The following NFXL1 variants were observed in gnomAD, a reference collection of about 807,000 sequenced individuals.
NFXL1 encodes nuclear transcription factor, X-box binding like 1.
NFXL1 carries 66 observed loss-of-function variants against 123.3 expected under a neutral mutation model. That is an observed-to-expected ratio of 0.54 (90% CI 0.44 to 0.66). The LOEUF (loss-of-function observed/expected upper bound fraction) is 0.66, where lower values mean the gene tolerates loss of function less well. Among genes scored for constraint, NFXL1 ranks in the 30% least tolerant of loss-of-function variants. The pLI is 0.00. For synonymous variants in NFXL1, 346 were observed against 360.8 expected (o/e 0.96, Z 0.46); for missense variants, 944 against 1,125.6 (o/e 0.84, Z 2.31).
At chr4:47,911,841 A>T (rs769899512) in intron 2 of NFXL1, among the ~76,000 whole-genome samples, 2 of 152,230 alleles carry the variant, frequency 1.3e-5, no homozygotes, top group Non-Finnish European at 2.9e-5. Flanking sequence ...TCAAGCACTA[A>T]GTGTTAATAA....
rs1330537644 is a variant in NFXL1 at position 47,864,339 on chromosome 4, C to T, written c.2247-1424G>A. Among the ~76,000 whole-genome samples, 3 of 152,110 alleles carry T rather than the reference C, an allele frequency of 2.0e-5. No individual in the cohort carries two copies. The East Asian group carries it at 5.8e-4, about 29-fold the overall frequency. On this transcript the variant is annotated intron_variant, in intron 18 of 22. Transcript: ENST00000507489. ...TCCACGGTTCTTGGCTCATCACTCC[C>T]ACAGCCCCTGTTATTTTTCCCCAAG...
intron 4 of NFXL1, among the ~76,000 whole-genome samples, chr4:47,904,837 G>A (rs1329618077): frequency 1.3e-5 from 2 of 152,070 alleles, no homozygotes; most frequent in Non-Finnish European, 2.9e-5. Context: ...CACAGGATAC[G>A]CTAACTAATT....
At chr4:47,900,788 T>C (rs192037028) in intron 5 of NFXL1, among the ~76,000 whole-genome samples, 102 of 152,338 alleles carry the variant, frequency 6.7e-4, no homozygotes, top group African/African-American at 2.4e-3. Flanking sequence ...ATTTTCATTG[T>C]CACGAGAACA....
In NFXL1 at chr4:47,885,990, T is replaced by C. The variant is rs1006809516; in HGVS notation, c.1553A>G (p.Tyr518Cys). 1.3e-5 allele frequency: 21 copies of C among 1,610,188 alleles called. No homozygotes were observed. Among genetic ancestry groups the C allele is most frequent in the African/African-American group, 2.7e-5 (2 of 74,654 alleles). ...CPSVCHRGSC[Y>C]PCPETVDVKC... ...CACATCTACGGTTTCTGGGCAGGGA[T>C]AGCAACTGCCTGAAAAAAAAGTCTG... is the stretch of plus-strand genomic sequence containing the variant. Residue 518 changes from tyrosine to cysteine, a missense_variant, in exon 13 of 23, where the codon TAT becomes TGT. By Grantham distance (194) the Tyr-to-Cys change is radical (BLOSUM62 -2). Coordinates refer to ENST00000507489, the MANE Select transcript of NFXL1 (RefSeq NM_001278624.2).
intron 2 of NFXL1, among the ~76,000 whole-genome samples, chr4:47,911,248 C>T (rs1737816048): frequency 6.6e-6 from 1 of 151,664 alleles, no homozygotes; most frequent in Non-Finnish European, 1.5e-5. Context: ...ATTAACAAAT[C>T]AAGAAAAAAA....
chr4:47,914,265 C>CGAAG (rs1229357837), intron 1 of NFXL1, 60 bp from the exon 2 acceptor site: 10 of 1,292,526 alleles, frequency 7.7e-6, no homozygotes, highest in African/African-American at 7.5e-5. Context: ...AGGACCGAGG[C>CGAAG]GAAGGAGGGT....
At chr4:47,889,175 A>G (rs1251267412) in intron 12 of NFXL1, among the ~76,000 whole-genome samples, 1 of 152,182 alleles carries the variant, frequency 6.6e-6, no homozygotes, top group Non-Finnish European at 1.5e-5. Context: ...TGGTCTTTTA[A>G]TGTGGTAAAT....
At position 47,908,806 on chromosome 4, in the gene NFXL1, T is replaced by C. The variant is rs553383355; in HGVS notation, c.406+2018A>G. 1.1e-3 allele frequency among the ~76,000 whole-genome samples: 169 copies of C among 151,698 alleles called. No individual in the cohort carries two copies. The Middle Eastern group carries it at 0.014, about 12-fold the overall frequency. On this transcript the variant is annotated intron_variant, in intron 3 of 22. Transcript: ENST00000507489. ...CCGTCTCTACTAAAAACACAAAAAA[T>C]TACCCGGGCATGGTGGCGGGCACCT...
rs1733907301 is a variant in NFXL1 at position 47,848,026 on chromosome 4, CCTT to C, written c.*134_*136del. 1 of 567,532 alleles carries C rather than the reference CCTT, an allele frequency of 1.8e-6. No individual in the cohort carries two copies. The highest frequency in any genetic ancestry group is 1.9e-5 in the African/African-American group (1 of 52,938). 35.2% of individuals were successfully genotyped at this position (567,532 alleles called of 1,614,324 possible). The stretch of plus-strand genomic sequence containing the variant: ...ATTAAGATAAAGTTTAACATTCTGT[CCTT>C]CTAACAACAGCTGAGAGAATACAGA... On this transcript the variant is annotated 3_prime_UTR_variant, in exon 23 of 23. Coordinates refer to ENST00000507489, the MANE Select transcript of NFXL1 (RefSeq NM_001278624.2).
intron 10 of NFXL1, among the ~76,000 whole-genome samples, chr4:47,895,593 C>T (rs1477481549): frequency 2.0e-5 from 3 of 152,146 alleles, no homozygotes; most frequent in African/African-American, 7.2e-5. Flanking sequence ...GTGCAGCTTC[C>T]TCACCTCTCT....
At chr4:47,900,220 T>C (rs1390087981) in intron 5 of NFXL1, among the ~76,000 whole-genome samples, 1 of 152,138 alleles carries the variant, frequency 6.6e-6, no homozygotes, top group East Asian at 1.9e-4. Flanking sequence ...CTTTTTTTTT[T>C]CTTTTTTGAG....
chr4:47,859,581 G>A (rs557709225), intron 19 of NFXL1, among the ~76,000 whole-genome samples: 32 of 152,016 alleles, frequency 2.1e-4, no homozygotes, highest in South Asian at 4.2e-4. Context: ...AATGTCTCAC[G>A]CCTGTAATCC....
At chr4:47,892,029 G>A (rs1017062853) in intron 11 of NFXL1, among the ~76,000 whole-genome samples, 1 of 152,200 alleles carries the variant, frequency 6.6e-6, no homozygotes, top group Admixed American at 6.5e-5. Context: ...GCCAGTGGGG[G>A]AAAAGATTAT....
At chr4:47,873,401 A>T (rs1193555160) in intron 18 of NFXL1, among the ~76,000 whole-genome samples, 2 of 152,198 alleles carry the variant, frequency 1.3e-5, no homozygotes, top group East Asian at 3.8e-4. Context: ...TTTCTCAAAA[A>T]ATTAGACCTG....
chr4:47,894,030 A>T, intron 11 of NFXL1, 150 bp downstream of exon 11: 1 of 460,302 alleles, frequency 2.2e-6, no homozygotes, highest in Non-Finnish European at 3.6e-6. Context: ...TACCTAGATT[A>T]AGCTTAATCT....
intron 11 of NFXL1, among the ~76,000 whole-genome samples, chr4:47,893,453 A>T (rs1415523805): frequency 6.6e-6 from 1 of 152,118 alleles, no homozygotes; most frequent in Non-Finnish European, 1.5e-5. Flanking sequence ...AACCAGACAG[A>T]AAAAAAGAGA....
intron 10 of NFXL1, 85 bp downstream of exon 10, chr4:47,896,438 T>C: frequency 9.6e-7 from 1 of 1,045,214 alleles, no homozygotes; most frequent in South Asian, 1.5e-5. Flanking sequence ...TGAAAATAAG[T>C]AATAGAAAAC....
At chr4:47,883,999 C>T (rs1168083558) in intron 15 of NFXL1, among the ~76,000 whole-genome samples, 3 of 152,148 alleles carry the variant, frequency 2.0e-5, no homozygotes, top group Non-Finnish European at 4.4e-5. Context: ...TTTCTTCTGT[C>T]TTCAGGGAGC....
At chr4:47,874,203 T>C (rs1210381399) in intron 18 of NFXL1, among the ~76,000 whole-genome samples, 1 of 152,228 alleles carries the variant, frequency 6.6e-6, no homozygotes, top group African/African-American at 2.4e-5. Context: ...TGAACTTTAA[T>C]TTCCTTTAAG....
Sources: gnomAD v4.1 joint callset for allele counts (sites outside exome capture counted in the v4.1 genomes callset) on GRCh38, gnomAD v4.1.1 for gene constraint, MANE v1.5 for transcripts, NCBI Gene and HGNC (gene_info 2026-07-23, HGNC 2026-07-21) for gene names.